The following PABPC4L variants were observed in gnomAD, a reference collection of about 807,000 sequenced individuals.
PABPC4L encodes the protein poly(A) binding protein cytoplasmic 4 like, also known as polyadenylate-binding protein 4-like.
For missense variants in PABPC4L, 452 were observed against 451.4 expected (o/e 1.00, Z -0.01); for synonymous variants, 169 against 164.1 (o/e 1.03, Z -0.23).
the PABPC4L span, among the ~76,000 whole-genome samples, chr4:134,016,488 A>G: frequency 6.6e-6 from 1 of 152,174 alleles, no homozygotes; most frequent in Non-Finnish European, 1.5e-5. Flanking sequence ...TTATGCTGAT[A>G]AGATAGCTAA....
chr4:134,166,876 T>C, the PABPC4L span, among the ~76,000 whole-genome samples: 1 of 152,248 alleles, frequency 6.6e-6, no homozygotes, highest in East Asian at 1.9e-4. Flanking sequence ...CTTTCTTCTT[T>C]TCCTTAAATA....
At chr4:134,164,705 G>A in the PABPC4L span, among the ~76,000 whole-genome samples, 1 of 151,804 alleles carries the variant, frequency 6.6e-6, no homozygotes, top group Admixed American at 6.6e-5. Flanking sequence ...CTGCCCAAAA[G>A]AATCTACAGA....
the PABPC4L span, among the ~76,000 whole-genome samples, chr4:134,031,288 A>G: frequency 4.0e-5 from 6 of 151,424 alleles, no homozygotes; most frequent in African/African-American, 1.2e-4. Flanking sequence ...TTTTTTTCCT[A>G]TTTGTTTTTG....
the PABPC4L span, among the ~76,000 whole-genome samples, chr4:134,181,782 A>C: frequency 2.0e-5 from 3 of 151,860 alleles, no homozygotes; most frequent in Non-Finnish European, 4.4e-5. Flanking sequence ...TTGCCACAAA[A>C]AGAATAAAAT....
At chr4:134,152,471 G>C in the PABPC4L span, among the ~76,000 whole-genome samples, 1 of 152,058 alleles carries the variant, frequency 6.6e-6, no homozygotes, top group African/African-American at 2.4e-5. Context: ...GGTGAGTACT[G>C]TCTACAGTGG....
chr4:134,029,226 C>T, the PABPC4L span, among the ~76,000 whole-genome samples: 12 of 152,104 alleles, frequency 7.9e-5, 1 homozygote, highest in East Asian at 1.2e-3. Flanking sequence ...CAGCAGGATC[C>T]GGGAGGACGA....
At chr4:133,993,230 C>T in the PABPC4L span, among the ~76,000 whole-genome samples, 1 of 151,780 alleles carries the variant, frequency 6.6e-6, no homozygotes, top group Non-Finnish European at 1.5e-5. Flanking sequence ...ACTCATATTC[C>T]CCCTTTTTTG....
the PABPC4L span, among the ~76,000 whole-genome samples, chr4:134,071,782 A>T: frequency 6.6e-6 from 1 of 152,298 alleles, no homozygotes; most frequent in South Asian, 2.1e-4. Context: ...GAAGTGAAAC[A>T]ATTTAGAAAA....
chr4:133,962,646 T>C, the PABPC4L span, among the ~76,000 whole-genome samples: 1 of 152,198 alleles, frequency 6.6e-6, no homozygotes, highest in African/African-American at 2.4e-5. Context: ...ATTCTAAAGC[T>C]AGAGTTTCTA....
chr4:134,196,455 C>T lies in PABPC4L; in HGVS notation c.*3452G>A, dbSNP rs915028272. ...TTTTTATTTTTACCAACTATAAATT[C>T]CTATTTGAAATTTAAAAGATAAAAT... On this transcript the variant is annotated 3_prime_UTR_variant, in exon 2 of 2. Transcript: ENST00000421491. The T allele has an allele frequency of 6.6e-6, 1 of 151,110 alleles. No individual in the cohort carries two copies. Among genetic ancestry groups the T allele is most frequent in the African/African-American group, 2.4e-5 (1 of 41,220 alleles). 9.4% of individuals were successfully genotyped at this position (151,110 alleles called of 1,614,324 possible). A position where few individuals can be genotyped will look rare whatever the true frequency, so the allele number is the denominator to read the frequency against.
At chr4:134,057,226 G>C in the PABPC4L span, among the ~76,000 whole-genome samples, 1 of 152,046 alleles carries the variant, frequency 6.6e-6, no homozygotes, top group East Asian at 1.9e-4. Context: ...GTTATAGTCA[G>C]AGAAGCCTCT....
the PABPC4L span, among the ~76,000 whole-genome samples, chr4:133,950,527 A>T: frequency 1.3e-5 from 2 of 152,122 alleles, no homozygotes; most frequent in African/African-American, 4.8e-5. Flanking sequence ...GACCCCAGTG[A>T]CTTCCTTTGT....
the PABPC4L span, among the ~76,000 whole-genome samples, chr4:133,983,310 A>T: frequency 6.6e-6 from 1 of 151,926 alleles, no homozygotes; most frequent in Non-Finnish European, 1.5e-5. Context: ...TAACATCTAT[A>T]TATATTGTCA....
At chr4:134,102,404 TAAAAAAA>T in the PABPC4L span, among the ~76,000 whole-genome samples, 1 of 150,306 alleles carries the variant, frequency 6.7e-6, no homozygotes, top group Non-Finnish European at 1.5e-5. Flanking sequence ...CCTAGGACAT[TAAAAAAA>T]AATGTTGATG....
the PABPC4L span, among the ~76,000 whole-genome samples, chr4:134,150,603 A>G: frequency 7.9e-5 from 12 of 152,154 alleles, no homozygotes; most frequent in Non-Finnish European, 1.6e-4. Context: ...AATTAATTTG[A>G]TTAAGCCAAT....
At chr4:134,106,810 C>G in the PABPC4L span, among the ~76,000 whole-genome samples, 1 of 151,390 alleles carries the variant, frequency 6.6e-6, no homozygotes, top group East Asian at 1.9e-4. Flanking sequence ...AAAATGCAGG[C>G]TTGATTTATT....
chr4:134,032,750 A>G, the PABPC4L span, among the ~76,000 whole-genome samples: 1 of 151,902 alleles, frequency 6.6e-6, no homozygotes, highest in African/African-American at 2.4e-5. Context: ...TCCAAATGAC[A>G]AGAAAAAATA....
chr4:134,180,193 G>C, the PABPC4L span, among the ~76,000 whole-genome samples: 6 of 152,026 alleles, frequency 3.9e-5, no homozygotes, highest in Admixed American at 1.3e-4. Flanking sequence ...TACCAACCAG[G>C]ATCTCATACC....
At chr4:133,953,891 C>A in the PABPC4L span, among the ~76,000 whole-genome samples, 1 of 152,190 alleles carries the variant, frequency 6.6e-6, no homozygotes, top group Admixed American at 6.5e-5. Context: ...AAAAATTGAT[C>A]TAGCTGTTCT....
Sources: allele counts gnomAD v4.1 joint callset (sites outside exome capture counted in the v4.1 genomes callset), GRCh38; gene constraint gnomAD v4.1.1; transcripts MANE v1.5; gene names NCBI Gene and HGNC (gene_info 2026-07-23, HGNC 2026-07-21).